PRKAR1A: variants seen among roughly 807,000 people sequenced by gnomAD.
The protein encoded by PRKAR1A is protein kinase cAMP-dependent type I regulatory subunit alpha.
In PRKAR1A, 3 loss-of-function variants were observed where a neutral mutation model predicts 52.0. The observed-to-expected ratio is 0.06, with a 90% CI of 0.03 to 0.15. The LOEUF is 0.15. Ranked by LOEUF, PRKAR1A falls within the 10% of genes least tolerant of loss-of-function variation. The pLI is 1.00. For synonymous variants in PRKAR1A, 188 were observed against 168.4 expected, an observed-to-expected ratio of 1.12 and a Z score of -0.90; for missense variants, 240 against 477.4, an observed-to-expected ratio of 0.50 and a Z score of 4.63.
chr17:68,551,207 T>C, exon 12 of PRKAR1A: 1 of 1,068,982 alleles, frequency 9.4e-7, no homozygotes, highest in Non-Finnish European at 1.2e-6. Context: ...CACACCAAGC[T>C]CTGTCTAAGG....
chr17:68,529,815 A>G, intron 9 of PRKAR1A, 105 bp from the exon 10 acceptor site: 2 of 1,053,048 alleles, frequency 1.9e-6, no homozygotes, highest in Non-Finnish European at 1.5e-6. Context: ...ATTTTTTATC[A>G]TATGCACACA....
the PRKAR1A span, among the ~76,000 whole-genome samples, chr17:68,489,235 GTATA>G: frequency 0.13 from 1,274 of 10,040 alleles, 332 homozygotes; most frequent in East Asian, 0.42. Context: ...TATATGGAAA[GTATA>G]TATATATATA....
chr17:68,452,032 CT>C, the PRKAR1A span, among the ~76,000 whole-genome samples: 77 of 152,248 alleles, frequency 5.1e-4, 2 homozygotes, highest in African/African-American at 1.8e-3. Context: ...TACTGAACCA[CT>C]TTTTTTCCAG....
the PRKAR1A span, among the ~76,000 whole-genome samples, chr17:68,505,692 A>G: frequency 6.6e-6 from 1 of 152,086 alleles, no homozygotes; most frequent in Non-Finnish European, 1.5e-5. Context: ...GTATGCCGGT[A>G]GTCTCAGCTA....
In PRKAR1A at chr17:68,522,745, A is replaced by C; in HGVS notation, c.178-11A>C. ...AAGGATCTCATTTTGCAAACTCGTA[A>C]TTTCTTTCAGGAGGAGGCAAAACAG... On this transcript the variant is annotated splice_polypyrimidine_tract_variant and intron_variant, in intron 2 of 10. Transcript: ENST00000589228. The C allele has an allele frequency of 1.9e-6, 3 of 1,614,030 alleles. No homozygotes were observed. The South Asian group carries it at 3.3e-5, about 18-fold the overall frequency.
chr17:68,451,976 A>T, the PRKAR1A span, among the ~76,000 whole-genome samples: 1 of 152,256 alleles, frequency 6.6e-6, no homozygotes, highest in Admixed American at 6.5e-5. Context: ...AAATGGTGTA[A>T]TAACAATAAC....
At chr17:68,514,978 C>T (rs1212832903) in intron 1 of PRKAR1A, 2 of 266,802 alleles carry the variant, frequency 7.5e-6, no homozygotes, top group Non-Finnish European at 1.5e-5. Context: ...GACTTGCTTT[C>T]GCTTACAGTT....
intron 7 of PRKAR1A, 73 bp downstream of exon 7, chr17:68,525,985 A>G: frequency 6.6e-7 from 1 of 1,524,812 alleles, no homozygotes; most frequent in Non-Finnish European, 9.0e-7. Context: ...ATATTACCAA[A>G]TTAAAAAGAG....
chr17:68,500,499 C>T, the PRKAR1A span, among the ~76,000 whole-genome samples: 1 of 148,268 alleles, frequency 6.7e-6, no homozygotes, highest in Non-Finnish European at 1.5e-5. Flanking sequence ...TGTAAATCAC[C>T]CAGTCTCGAG....
intron 1 of PRKAR1A, chr17:68,512,945 C>G (rs775062662): frequency 1.3e-5 from 2 of 152,392 alleles, no homozygotes; most frequent in African/African-American, 4.8e-5. Flanking sequence ...CCGCCATCGT[C>G]TCGTCCGCCG....
At chr17:68,516,757 G>C (rs2085448202) in intron 2 of PRKAR1A, among the ~76,000 whole-genome samples, 2 of 151,886 alleles carry the variant, frequency 1.3e-5, no homozygotes, top group African/African-American at 4.8e-5. Flanking sequence ...ACTAGTCACT[G>C]TGAATGTTGC....
downstream of PRKAR1A, chr17:68,536,333 C>A (rs2086095498): frequency 4.4e-6 from 2 of 453,884 alleles, no homozygotes; most frequent in Non-Finnish European, 8.8e-6. Context: ...ACTAGTCACT[C>A]CATGGAATGA....
chr17:68,513,221 G>A (rs1399179465), intron 1 of PRKAR1A: 1 of 152,254 alleles, frequency 6.6e-6, no homozygotes, highest in East Asian at 1.9e-4. Flanking sequence ...CATGACCGTG[G>A]CCTACGTGAA....
the PRKAR1A span, among the ~76,000 whole-genome samples, chr17:68,424,782 CAGG>C: frequency 6.6e-6 from 1 of 152,152 alleles, no homozygotes; most frequent in Admixed American, 6.5e-5. Context: ...GAGGCTGAGG[CAGG>C]AGAATTGCTT....
intron 11 of PRKAR1A, chr17:68,539,812 C>T: frequency 6.8e-7 from 1 of 1,463,498 alleles, no homozygotes; most frequent in Non-Finnish European, 9.5e-7. Flanking sequence ...GCGTCTGTTT[C>T]CCCCGAGCAG....
chr17:68,454,426 C>T, the PRKAR1A span, among the ~76,000 whole-genome samples: 1 of 152,104 alleles, frequency 6.6e-6, no homozygotes. Flanking sequence ...TTTTTTTTCC[C>T]TACCCAGACA....
At chr17:68,526,028 T>C in intron 7 of PRKAR1A, 116 bp downstream of exon 7, 1 of 1,309,452 alleles carries the variant, frequency 7.6e-7, no homozygotes, top group Admixed American at 2.3e-5. Context: ...TATTTCTTTC[T>C]TTTAATAAGC....
At chr17:68,544,672 A>G (rs1008525886) in intron 11 of PRKAR1A, among the ~76,000 whole-genome samples, 5 of 152,200 alleles carry the variant, frequency 3.3e-5, no homozygotes, top group Non-Finnish European at 5.9e-5. Context: ...TGCTGCCAAA[A>G]GTAGAGATTC....
intron 8 of PRKAR1A, 65 bp downstream of exon 8, chr17:68,527,965 C>A (rs2143352863): frequency 7.1e-7 from 1 of 1,406,296 alleles, no homozygotes; most frequent in Non-Finnish European, 1.0e-6. Flanking sequence ...ATTGGATGGA[C>A]TTGGGAAAAG....
Sources: allele counts gnomAD v4.1 joint callset (sites outside exome capture counted in the v4.1 genomes callset), GRCh38; gene constraint gnomAD v4.1.1; transcripts MANE v1.5; gene names NCBI Gene and HGNC (gene_info 2026-07-23, HGNC 2026-07-21).